NKAIN3: variants seen among roughly 807,000 people sequenced by gnomAD.
NKAIN3 encodes sodium/potassium-transporting ATPase subunit beta-1-interacting protein 3.
In NKAIN3, 25 loss-of-function variants were observed where a neutral mutation model predicts 30.2. The observed-to-expected ratio is 0.83, with a 90% confidence interval of 0.60 to 1.16. The LOEUF (loss-of-function observed/expected upper bound fraction) is 1.16. Among genes scored for constraint, NKAIN3 ranks in the 50% most tolerant of loss-of-function variants. The pLI is 0.00. For missense variants in NKAIN3, 225 were observed against 254.1 expected (o/e 0.89, Z 0.78); for synonymous variants, 91 against 89.6 (o/e 1.02, Z -0.09).
chr8:62,417,938 T>C (rs1391376658), intron 1 of NKAIN3, among the ~76,000 whole-genome samples: 1 of 152,180 alleles, frequency 6.6e-6, no homozygotes, highest in Non-Finnish European at 1.5e-5. Flanking sequence ...AAAGAGAGGA[T>C]GAAGAACAGT....
intron 1 of NKAIN3, among the ~76,000 whole-genome samples, chr8:62,357,240 CCT>C (rs928401506): frequency 4.6e-5 from 7 of 151,968 alleles, no homozygotes; most frequent in Admixed American, 2.6e-4. Flanking sequence ...GACCCTGTCC[CCT>C]GTCTCTACAA....
chr8:62,760,545 A>G (rs1199516118), intron 4 of NKAIN3, among the ~76,000 whole-genome samples: 1 of 148,762 alleles, frequency 6.7e-6, no homozygotes, highest in African/African-American at 2.5e-5. Context: ...CAAACACCAC[A>G]TGTTCTCACT....
intron 4 of NKAIN3, among the ~76,000 whole-genome samples, chr8:62,760,416 C>G (rs571795219): frequency 6.6e-6 from 1 of 152,190 alleles, no homozygotes; most frequent in East Asian, 1.9e-4. Context: ...GAAAATGTGG[C>G]ACATATACAC....
intron 1 of NKAIN3, among the ~76,000 whole-genome samples, chr8:62,487,351 A>T (rs35879623): frequency 0.1 from 15,278 of 152,226 alleles, 826 homozygotes; most frequent in East Asian, 0.13. Context: ...CACTCACTGG[A>T]TAAAGGACTG....
chr8:62,423,883 A>G (rs1054674802), intron 1 of NKAIN3, among the ~76,000 whole-genome samples: 1 of 152,056 alleles, frequency 6.6e-6, no homozygotes, highest in African/African-American at 2.4e-5. Flanking sequence ...TTGTAAAGAC[A>G]TGCAGCAGCA....
At chr8:62,631,562 C>T (rs1054497472) in intron 3 of NKAIN3, among the ~76,000 whole-genome samples, 3 of 152,194 alleles carry the variant, frequency 2.0e-5, no homozygotes, top group African/African-American at 7.2e-5. Context: ...TAGCAAGATA[C>T]TCAGAGTCCC....
intron 3 of NKAIN3, among the ~76,000 whole-genome samples, chr8:62,651,633 C>A (rs1289871725): frequency 6.6e-6 from 1 of 152,130 alleles, no homozygotes; most frequent in Non-Finnish European, 1.5e-5. Flanking sequence ...TGTGTTCTCA[C>A]ATGGTGATAT....
intron 5 of NKAIN3, among the ~76,000 whole-genome samples, chr8:62,937,170 G>A (rs73264609): frequency 0.037 from 5,635 of 152,150 alleles, 285 homozygotes; most frequent in East Asian, 0.12. Flanking sequence ...ATGGCAGACA[G>A]GAGACAGAAC....
intron 4 of NKAIN3, among the ~76,000 whole-genome samples, chr8:62,842,076 C>T (rs976307941): frequency 6.6e-6 from 1 of 151,966 alleles, no homozygotes; most frequent in Non-Finnish European, 1.5e-5. Flanking sequence ...TGTTAATGAA[C>T]CTTTTGGCCG....
At chr8:62,290,872 CT>C (rs1226757297) in intron 1 of NKAIN3, among the ~76,000 whole-genome samples, 5 of 152,040 alleles carry the variant, frequency 3.3e-5, no homozygotes, top group Non-Finnish European at 7.4e-5. Context: ...TGGTCCTGGA[CT>C]TTTTTTGGTT....
chr8:62,617,904 C>T (rs1811509455), intron 3 of NKAIN3, among the ~76,000 whole-genome samples: 1 of 152,216 alleles, frequency 6.6e-6, no homozygotes, highest in Admixed American at 6.5e-5. Context: ...CTAAACAATA[C>T]TCTCTTTGAG....
intron 1 of NKAIN3, among the ~76,000 whole-genome samples, chr8:62,358,121 G>A (rs1329046899): frequency 6.6e-6 from 1 of 151,848 alleles, no homozygotes; most frequent in African/African-American, 2.4e-5. Context: ...AACCTAGGTA[G>A]TGTTCATATC....
At chr8:62,985,192 T>C (rs933176564), downstream of NKAIN3, among the ~76,000 whole-genome samples, 2 of 152,190 alleles carry the variant, frequency 1.3e-5, no homozygotes, top group Admixed American at 6.5e-5. Flanking sequence ...CCAATGCCCC[T>C]GACTCCAATT....
intron 4 of NKAIN3, among the ~76,000 whole-genome samples, chr8:62,819,224 G>A (rs1818780081): frequency 6.6e-6 from 1 of 150,408 alleles, no homozygotes; most frequent in Non-Finnish European, 1.5e-5. Context: ...TATCCTTTAT[G>A]TCAGAGTTAC....
intron 3 of NKAIN3, among the ~76,000 whole-genome samples, chr8:62,605,603 A>G (rs917459230): frequency 2.4e-4 from 37 of 152,052 alleles, no homozygotes; most frequent in Non-Finnish European, 7.4e-5. Context: ...TTTGGAAGAA[A>G]GCAATAAAAA....
At chr8:62,512,500 G>A (rs957207005) in intron 1 of NKAIN3, among the ~76,000 whole-genome samples, 4 of 152,092 alleles carry the variant, frequency 2.6e-5, no homozygotes, top group South Asian at 2.1e-4. Flanking sequence ...AGATGCCTCC[G>A]TCTTGCCAAC....
At chr8:62,897,277 G>T (rs1040477213) in intron 4 of NKAIN3, among the ~76,000 whole-genome samples, 1 of 152,094 alleles carries the variant, frequency 6.6e-6, no homozygotes, top group African/African-American at 2.4e-5. Context: ...CAAAGTAATA[G>T]AACAGGCAAT....
At chr8:62,631,636 A>C (rs1811962740) in intron 3 of NKAIN3, among the ~76,000 whole-genome samples, 1 of 151,980 alleles carries the variant, frequency 6.6e-6, no homozygotes, top group Non-Finnish European at 1.5e-5. Flanking sequence ...TGTATTTGTC[A>C]CTCCATCTGT....
chr8:62,892,799 C>T (rs1821330960), intron 4 of NKAIN3, among the ~76,000 whole-genome samples: 1 of 152,094 alleles, frequency 6.6e-6, no homozygotes, highest in Admixed American at 6.6e-5. Flanking sequence ...GGTGATACTC[C>T]TTCCTCTGAG....
Sources: allele counts gnomAD v4.1 joint callset (sites outside exome capture counted in the v4.1 genomes callset), GRCh38; gene constraint gnomAD v4.1.1; transcripts MANE v1.5; gene names NCBI Gene and HGNC (gene_info 2026-07-23, HGNC 2026-07-21).